KCNN2: variants seen among roughly 807,000 people sequenced by gnomAD.
The protein encoded by KCNN2 is small conductance calcium-activated potassium channel protein 2.
A neutral mutation model predicts 55.5 loss-of-function variants in KCNN2; 24 were observed. The ratio of observed to expected loss-of-function variants is 0.43; its 90% CI spans 0.31 to 0.61. KCNN2 has a LOEUF of 0.61. Among genes scored for constraint, KCNN2 ranks in the 20% least tolerant of loss-of-function variants. KCNN2 has a pLI of 0.08. For missense variants in KCNN2, 754 were observed against 853.6 expected (o/e 0.88, Z 1.45); for synonymous variants, 431 against 336.1 (o/e 1.28, Z -3.09).
At chr5:114,200,875 A>C (rs1580613017) in intron 1 of KCNN2, among the ~76,000 whole-genome samples, 1 of 152,152 alleles carries the variant, frequency 6.6e-6, no homozygotes, top group South Asian at 2.1e-4. Context: ...TTCGATGTCA[A>C]GTGAGCCAGT....
At chr5:114,417,872 A>G (rs1417847963) in intron 3 of KCNN2, among the ~76,000 whole-genome samples, 1 of 152,168 alleles carries the variant, frequency 6.6e-6, no homozygotes, top group East Asian at 1.9e-4. Context: ...GGTGTATTTG[A>G]TACCATCTGA....
intron 2 of KCNN2, among the ~76,000 whole-genome samples, chr5:114,266,284 T>C (rs936911808): frequency 9.9e-5 from 15 of 152,152 alleles, no homozygotes; most frequent in African/African-American, 3.6e-4. Context: ...CCTGCTGTAG[T>C]GGACAGGGAA....
chr5:114,283,675 C>G (rs563936067), intron 2 of KCNN2, among the ~76,000 whole-genome samples: 1 of 152,070 alleles, frequency 6.6e-6, no homozygotes, highest in Non-Finnish European at 1.5e-5. Flanking sequence ...ATACCTTCTT[C>G]CAGATATTTG....
At chr5:114,383,212 T>C (rs1758178277) in intron 2 of KCNN2, among the ~76,000 whole-genome samples, 1 of 152,174 alleles carries the variant, frequency 6.6e-6, no homozygotes, top group Non-Finnish European at 1.5e-5. Flanking sequence ...AAGTCCCCTG[T>C]TTCCAAATTT....
At chr5:114,089,790 T>C (rs1457129241) in intron 1 of KCNN2, among the ~76,000 whole-genome samples, 1 of 152,244 alleles carries the variant, frequency 6.6e-6, no homozygotes, top group Admixed American at 6.5e-5. Context: ...TGGCACATAA[T>C]GTGGGTTAAA....
chr5:114,288,083 A>G (rs1019369445), intron 2 of KCNN2, among the ~76,000 whole-genome samples: 2 of 152,184 alleles, frequency 1.3e-5, no homozygotes, highest in African/African-American at 4.8e-5. Flanking sequence ...ATTTCATACA[A>G]ATGATGTTAT....
At chr5:114,080,236 T>G (rs1750780579) in intron 1 of KCNN2, among the ~76,000 whole-genome samples, 1 of 152,198 alleles carries the variant, frequency 6.6e-6, no homozygotes, top group Non-Finnish European at 1.5e-5. Flanking sequence ...AGCAACTTGC[T>G]CAAGGTCATG....
intron 1 of KCNN2, among the ~76,000 whole-genome samples, chr5:114,133,952 A>G (rs925166069): frequency 1.3e-5 from 2 of 152,176 alleles, no homozygotes; most frequent in East Asian, 3.8e-4. Flanking sequence ...TGGTCTTTTG[A>G]ACCCATTTAA....
chr5:114,303,547 C>T (rs563696784), intron 2 of KCNN2, among the ~76,000 whole-genome samples: 6 of 152,270 alleles, frequency 3.9e-5, no homozygotes, highest in South Asian at 2.1e-4. Context: ...CCTGACAGCT[C>T]GGAACCACTG....
chr5:114,201,527 C>G (rs1352032558), intron 1 of KCNN2, among the ~76,000 whole-genome samples: 1 of 152,002 alleles, frequency 6.6e-6, no homozygotes, highest in African/African-American at 2.4e-5. Context: ...TCCTAGCAAC[C>G]TAGAGCAGGG....
intron 2 of KCNN2, among the ~76,000 whole-genome samples, chr5:114,302,251 C>T (rs1756181028): frequency 6.6e-6 from 1 of 152,118 alleles, no homozygotes; most frequent in Non-Finnish European, 1.5e-5. Context: ...TTTATGTTTC[C>T]ACCTACAAGA....
chr5:114,343,113 C>G (rs1000982913), intron 2 of KCNN2, among the ~76,000 whole-genome samples: 6 of 152,156 alleles, frequency 3.9e-5, no homozygotes, highest in Non-Finnish European at 8.8e-5. Context: ...TTTAATTTAT[C>G]AAATTCAATA....
At chr5:114,370,827 C>G (rs1009876760) in intron 2 of KCNN2, among the ~76,000 whole-genome samples, 1 of 152,050 alleles carries the variant, frequency 6.6e-6, no homozygotes, top group African/African-American at 2.4e-5. Context: ...CGCCCCCCAC[C>G]CCTCCCACAT....
chr5:114,284,514 C>T (rs983729942), intron 2 of KCNN2, among the ~76,000 whole-genome samples: 1 of 152,050 alleles, frequency 6.6e-6, no homozygotes, highest in Admixed American at 6.6e-5. Flanking sequence ...AAGATCATCT[C>T]CATTTTTTCT....
At chr5:114,463,706 G>A (rs12516818) in intron 4 of KCNN2, among the ~76,000 whole-genome samples, 39,693 of 152,098 alleles carry the variant, frequency 0.26, 5,678 homozygotes, top group East Asian at 0.59. Flanking sequence ...CCTTCATGGA[G>A]CTTACAAGGG....
intron 6 of KCNN2, among the ~76,000 whole-genome samples, chr5:114,489,273 G>A (rs1747728948): frequency 6.6e-6 from 1 of 152,052 alleles, no homozygotes; most frequent in Admixed American, 6.6e-5. Context: ...TTGCCGTTAG[G>A]TTATTACGTT....
intron 1 of KCNN2, among the ~76,000 whole-genome samples, chr5:114,139,150 T>C (rs558709011): frequency 1.3e-5 from 2 of 152,294 alleles, no homozygotes; most frequent in African/African-American, 4.8e-5. Context: ...GCAACCTCTC[T>C]GTTATTTGAT....
At chr5:114,371,022 A>T (rs938737716) in intron 2 of KCNN2, among the ~76,000 whole-genome samples, 3 of 152,170 alleles carry the variant, frequency 2.0e-5, no homozygotes, top group African/African-American at 7.2e-5. Flanking sequence ...GCAGCCATAG[A>T]GATGAGGAGA....
chr5:114,106,481 A>T (rs993323827), intron 1 of KCNN2, among the ~76,000 whole-genome samples: 2 of 151,930 alleles, frequency 1.3e-5, no homozygotes, highest in Admixed American at 1.3e-4. Context: ...TAAAATCACA[A>T]CAGTATATAA....
Sources: gnomAD v4.1 joint callset for allele counts (sites outside exome capture counted in the v4.1 genomes callset) on GRCh38, gnomAD v4.1.1 for gene constraint, MANE v1.5 for transcripts, NCBI Gene and HGNC (gene_info 2026-07-23, HGNC 2026-07-21) for gene names.